Variants in GRIK4 observed in about 807,000 individuals in gnomAD.
GRIK4 encodes glutamate receptor ionotropic, kainate 4.
A neutral mutation model predicts 104.9 loss-of-function variants in GRIK4; 40 were observed. The observed-to-expected ratio is 0.38, with a 90% CI of 0.30 to 0.50. The LOEUF (loss-of-function observed/expected upper bound fraction) is 0.50. Among genes scored for constraint, GRIK4 ranks in the 20% least tolerant of loss-of-function variants. The probability of loss-of-function intolerance (pLI) is 0.93; values close to 1 mark genes in which losing one functional copy is unlikely to be tolerated. For missense variants in GRIK4, 1,047 were observed against 1,308.1 expected, an observed-to-expected ratio of 0.80 and a Z score of 3.08; for synonymous variants, 485 against 524.9, an observed-to-expected ratio of 0.92 and a Z score of 1.04.
chr11:120,796,818 G>A (rs1051839029), intron 3 of GRIK4, among the ~76,000 whole-genome samples: 1 of 152,142 alleles, frequency 6.6e-6, no homozygotes, highest in African/African-American at 2.4e-5. Context: ...GACCTTGAGC[G>A]GGTCAGTGGC....
rs140565239 is a variant in GRIK4, at chr11:120,923,203, C to G, written c.1477-17144C>G. 2.1e-4 allele frequency among the ~76,000 whole-genome samples: 32 copies of G among 152,174 alleles called. No homozygotes were observed. The East Asian group carries it at 5.4e-3, about 26-fold the overall frequency. On this transcript the variant is annotated intron_variant, in intron 13 of 20. Coordinates refer to ENST00000527524, the MANE Select transcript of GRIK4 (RefSeq NM_014619.5). ...TCTGGCCAACAGGAAAGGGGAGTTA[C>G]TAGGAGCAAATCAGATAGGAGGGCT...
intron 3 of GRIK4, among the ~76,000 whole-genome samples, chr11:120,678,672 C>T (rs528029766): frequency 6.6e-6 from 1 of 151,516 alleles, no homozygotes; most frequent in East Asian, 1.9e-4. Context: ...CTTGCTCCGT[C>T]ATCCAGGCTG....
chr11:120,600,158 A>G (rs4936526), intron 1 of GRIK4, among the ~76,000 whole-genome samples: 103,054 of 151,932 alleles, frequency 0.68, 35,291 homozygotes, highest in Non-Finnish European at 0.7. Context: ...GAGACCTTCA[A>G]TGTGGGAGCC....
At chr11:120,545,705 G>A (rs1948079671) in intron 1 of GRIK4, among the ~76,000 whole-genome samples, 1 of 152,186 alleles carries the variant, frequency 6.6e-6, no homozygotes, top group African/African-American at 2.4e-5. Context: ...TTGAATGAAA[G>A]GGAGGAGAAC....
At chr11:120,770,781 G>A (rs551043483) in intron 3 of GRIK4, among the ~76,000 whole-genome samples, 1 of 152,246 alleles carries the variant, frequency 6.6e-6, no homozygotes, top group East Asian at 1.9e-4. Flanking sequence ...AGCCCTTCTG[G>A]TGGGATTCGT....
intron 9 of GRIK4, chr11:120,868,169 G>C (rs1954477233): frequency 6.6e-6 from 1 of 152,116 alleles, no homozygotes; most frequent in Admixed American, 6.6e-5. Context: ...GTCATGGGAG[G>C]GGGAAGGAAC....
At chr11:120,667,176 G>A (rs1014181246) in intron 3 of GRIK4, among the ~76,000 whole-genome samples, 1 of 152,146 alleles carries the variant, frequency 6.6e-6, no homozygotes, top group Non-Finnish European at 1.5e-5. Context: ...CCTCTCATAG[G>A]GAGACATTTC....
chr11:120,878,239 G>C (rs563241777), intron 11 of GRIK4, among the ~76,000 whole-genome samples: 17 of 152,302 alleles, frequency 1.1e-4, no homozygotes, highest in Admixed American at 2.6e-4. Flanking sequence ...GGATGACCGA[G>C]AGTGCTTCAT....
At chr11:120,736,885 C>T (rs2135401114) in intron 3 of GRIK4, among the ~76,000 whole-genome samples, 1 of 151,938 alleles carries the variant, frequency 6.6e-6, no homozygotes, top group South Asian at 2.1e-4. Flanking sequence ...TATACCATTT[C>T]CCATTGAAAG....
intron 3 of GRIK4, among the ~76,000 whole-genome samples, chr11:120,667,728 G>A (rs568891999): frequency 1.3e-5 from 2 of 152,348 alleles, no homozygotes; most frequent in African/African-American, 2.4e-5. Flanking sequence ...CCCAGCCAGC[G>A]AGGCCCATTA....
At chr11:120,839,249 A>G (rs1953656744) in intron 8 of GRIK4, among the ~76,000 whole-genome samples, 1 of 152,104 alleles carries the variant, frequency 6.6e-6, no homozygotes, top group Non-Finnish European at 1.5e-5. Context: ...ATGTCTCATC[A>G]CTCTGAATTC....
chr11:120,889,588 CATTTTTTTTTTTTT>C (rs914816917), intron 11 of GRIK4, among the ~76,000 whole-genome samples: 4 of 67,154 alleles, frequency 6.0e-5, no homozygotes, highest in African/African-American at 2.1e-4. Flanking sequence ...AAAGAGCTTA[CATTTTTTTTTTTTT>C]TTTTTTTTTT....
At chr11:120,848,529 C>T (rs893386030) in intron 8 of GRIK4, among the ~76,000 whole-genome samples, 3 of 152,106 alleles carry the variant, frequency 2.0e-5, no homozygotes, top group Admixed American at 6.5e-5. Flanking sequence ...CTCAGGTGAT[C>T]AGAAGAATCA....
In GRIK4 at chr11:120,565,102, G is replaced by C. The variant is rs952576014; in HGVS notation, c.-159+53215G>C. On this transcript the variant is annotated intron_variant, in intron 1 of 20. Coordinates refer to ENST00000527524, the MANE Select transcript of GRIK4 (RefSeq NM_014619.5). ...CGTCAGGGCCGAGGCAGTGATGCGG[G>C]GCAGCGTGGGAGGACGGGCTGCGGA... Among the ~76,000 whole-genome samples the C allele has an allele frequency of 3.9e-5, 6 of 152,194 alleles. No individual in the cohort carries two copies. The East Asian group carries it at 1.2e-3, about 29-fold the overall frequency.
intron 14 of GRIK4, among the ~76,000 whole-genome samples, chr11:120,941,313 C>G (rs531371561): frequency 4.9e-4 from 74 of 152,276 alleles, no homozygotes; most frequent in African/African-American, 1.6e-3. Context: ...AGAGCCTGTA[C>G]CTCGAGGCTG....
chr11:120,884,537 C>T (rs551741799), intron 11 of GRIK4, among the ~76,000 whole-genome samples: 1 of 152,350 alleles, frequency 6.6e-6, no homozygotes, highest in African/African-American at 2.4e-5. Flanking sequence ...ATGGCCTCCC[C>T]ACAGCCTCTC....
chr11:120,970,284 G>A (rs1944453751), intron 19 of GRIK4, among the ~76,000 whole-genome samples: 2 of 152,136 alleles, frequency 1.3e-5, no homozygotes, highest in African/African-American at 4.8e-5. Context: ...AGGGAGGCTG[G>A]AGCCACACAG....
At chr11:120,637,516 C>T (rs772354753) in intron 1 of GRIK4, among the ~76,000 whole-genome samples, 19 of 152,236 alleles carry the variant, frequency 1.2e-4, no homozygotes, top group Non-Finnish European at 2.4e-4. Flanking sequence ...CTTTACAGAG[C>T]GCCTGGATAC....
intron 1 of GRIK4, among the ~76,000 whole-genome samples, chr11:120,576,846 G>A (rs1460408495): frequency 1.3e-5 from 2 of 152,166 alleles, no homozygotes; most frequent in Admixed American, 6.5e-5. Flanking sequence ...GGACATGGCC[G>A]GCTAATGTTT....
Sources: allele counts gnomAD v4.1 joint callset (sites outside exome capture counted in the v4.1 genomes callset), GRCh38; gene constraint gnomAD v4.1.1; transcripts MANE v1.5; gene names NCBI Gene and HGNC (gene_info 2026-07-23, HGNC 2026-07-21).